The following GOLGA4 variants were observed in gnomAD, a reference collection of about 807,000 sequenced individuals.
GOLGA4 encodes the protein golgin A4.
GOLGA4 carries 169 observed loss-of-function variants against 265.9 expected under a neutral mutation model. That is an observed-to-expected ratio of 0.64 (90% confidence interval 0.56 to 0.72). The LOEUF is 0.72. GOLGA4 is among the 30% of genes least tolerant of loss of function. The pLI, the probability that GOLGA4 is intolerant of heterozygous loss-of-function variation, is 0.00. For synonymous variants in GOLGA4, 923 were observed against 855.8 expected, an observed-to-expected ratio of 1.08 and a Z score of -1.37; for missense variants, 2,482 against 2,483.4, an observed-to-expected ratio of 1.00 and a Z score of 0.01.
In GOLGA4 at chr3:37,337,085, T is replaced by C; in HGVS notation, c.6307-58T>C. 4 of 1,062,546 alleles carry C rather than the reference T, an allele frequency of 3.8e-6. No individual in the cohort carries two copies. The South Asian group carries it at 5.6e-5, about 15-fold the overall frequency. The allele number at this position is 1,062,546 out of a possible 1,614,324, so 65.8% of individuals were successfully genotyped here. ...CTTATATCTTTATATTGCTTTGTTT[T>C]ACTGTTTCTTATAGCTATTATTGTA... On this transcript the variant is annotated intron_variant, in intron 17 of 23. Coordinates refer to ENST00000361924, the MANE Select transcript of GOLGA4 (RefSeq NM_002078.5).
At chr3:37,313,390 C>A (rs894318539) in intron 10 of GOLGA4, 14 of 152,118 alleles carry the variant, frequency 9.2e-5, no homozygotes, top group African/African-American at 3.4e-4. Flanking sequence ...TGTGTTAAAC[C>A]AAATTGTTAA....
chr3:37,326,587 A>G lies in GOLGA4; in HGVS notation c.4701A>G (p.Gln1567=), dbSNP rs750802836. Residue 1567 remains glutamine, a synonymous_variant, in exon 14 of 24, where the codon CAA becomes CAG. Transcript: ENST00000361924. ...ACAAAGAATTGGTTCAGAAACTTCA[A>G]CATTTTCAAGAGTTAGGAGAAGAAA... The part of the protein sequence containing the change: ...IEHKELVQKL[Q]HFQELGEEKD... The G allele has an allele frequency of 8.1e-6, 13 of 1,613,252 alleles. No homozygotes were observed. The highest frequency in any genetic ancestry group is 4.0e-5 in the African/African-American group (3 of 74,906).
chr3:37,299,222 G>A, intron 8 of GOLGA4, 66 bp from the exon 9 acceptor site: 4 of 1,094,944 alleles, frequency 3.7e-6, no homozygotes, highest in South Asian at 1.3e-5. Flanking sequence ...TTAGATAAAT[G>A]TTTAGAGTTC....
rs536396707 is a variant in GOLGA4 at position 37,350,845 on chromosome 3, TA to T, written c.6576+3558del. 1.2e-3 allele frequency among the ~76,000 whole-genome samples: 187 copies of T among 151,232 alleles called. No individual in the cohort carries two copies. In the Middle Eastern group the frequency reaches 0.014, roughly 11 times the overall value. Reference sequence around the variant, plus strand: ...CCTTAATTTAAAAATACTTTATTGCTAAAAAAAAATGCTAACATTCATCTGA... The same window carrying T: ...CCTTAATTTAAAAATACTTTATTGCTAAAAAAAATGCTAACATTCATCTGA... On this transcript the variant is annotated intron_variant, in intron 21 of 23. Coordinates refer to ENST00000361924, the MANE Select transcript of GOLGA4 (RefSeq NM_002078.5).
chr3:37,261,075 G>A (rs1188564735), intron 2 of GOLGA4, among the ~76,000 whole-genome samples: 6 of 151,848 alleles, frequency 4.0e-5, no homozygotes, highest in African/African-American at 1.5e-4. Flanking sequence ...AGAGGCTTAA[G>A]TAGGAAGATT....
chr3:37,343,113 TTTTGTTTG>T (rs543666593), intron 20 of GOLGA4, among the ~76,000 whole-genome samples: 76 of 151,776 alleles, frequency 5.0e-4, no homozygotes, highest in African/African-American at 1.8e-3. Context: ...AGGCTGGGTT[TTTTGTTTG>T]TTTGTTTGTT....
At chr3:37,336,967 AAACAG>A (rs2097015629) in intron 17 of GOLGA4, among the ~76,000 whole-genome samples, 171 bp from the exon 18 acceptor site, 1 of 152,196 alleles carries the variant, frequency 6.6e-6, no homozygotes, top group African/African-American at 2.4e-5. Flanking sequence ...TTGTAAAACA[AAACAG>A]AACATTTGTT....
At chr3:37,276,033 G>A (rs1578454817) in intron 2 of GOLGA4, 5 of 1,612,868 alleles carry the variant, frequency 3.1e-6, no homozygotes, top group African/African-American at 1.3e-5. Context: ...GGCAATGTAA[G>A]CAACAGAAAG....
At chr3:37,275,895 C>G in intron 2 of GOLGA4, 1 of 1,613,750 alleles carries the variant, frequency 6.2e-7, no homozygotes, top group Non-Finnish European at 8.5e-7. Flanking sequence ...TTGGCAAAGT[C>G]TCTCATCAAA....
chr3:37,277,786 C>G (rs1038947521), intron 2 of GOLGA4, among the ~76,000 whole-genome samples: 6 of 151,930 alleles, frequency 3.9e-5, no homozygotes, highest in African/African-American at 1.5e-4. Flanking sequence ...TACACTTGCT[C>G]TAGCATACTT....
intron 5 of GOLGA4, among the ~76,000 whole-genome samples, chr3:37,294,467 C>G (rs1414281575): frequency 2.0e-5 from 3 of 151,190 alleles, no homozygotes; most frequent in African/African-American, 4.9e-5. Flanking sequence ...TCACTGCAAC[C>G]TCTTCCTCCC....
intron 16 of GOLGA4, 62 bp downstream of exon 16, chr3:37,329,155 T>G: frequency 7.4e-7 from 1 of 1,342,780 alleles, no homozygotes; most frequent in South Asian, 1.5e-5. Flanking sequence ...TTCATGGTAG[T>G]GCCAAAGATT....
At chr3:37,243,855 T>C (rs1302618031) in intron 1 of GOLGA4, 8 of 558,156 alleles carry the variant, frequency 1.4e-5, no homozygotes, top group Admixed American at 6.6e-5. Flanking sequence ...TGGGGGTGGC[T>C]GGATCCCTCG....
Position 37,325,262 on chromosome 3 carries a change from G to C in GOLGA4, c.3376G>C (p.Ala1126Pro), listed in dbSNP as rs2096966700. The C allele has an allele frequency of 6.2e-7, 1 of 1,613,226 alleles. No individual in the cohort carries two copies. Among genetic ancestry groups the C allele is most frequent in the Non-Finnish European group, 8.5e-7 (1 of 1,179,634 alleles). The change falls in exon 14 of 24, where the codon GCA becomes CCA. Residue 1126 changes from alanine (A) to proline (P), a missense_variant. This residue lies in a region of GOLGA4 where 1,536 missense variants were observed against 1,483.7 expected (regional missense o/e 1.04). Transcript: ENST00000361924. ...GAAGTCTGCCCATGTGAATTCTCTT[G>C]CACAAGATGAAACTAAACTGAAAGC... ...KQKSAHVNSL[A>P]QDETKLKAHL...
At position 37,325,928 on chromosome 3, in the gene GOLGA4, T is replaced by G; in HGVS notation, c.4042T>G (p.Leu1348Val). Residue 1348 changes from leucine to valine, a missense_variant, in exon 14 of 24, where the codon TTA becomes GTA. This residue lies in a region of GOLGA4 where 942 missense variants were observed against 983.1 expected (regional missense o/e 0.96). Coordinates refer to ENST00000361924, the MANE Select transcript of GOLGA4 (RefSeq NM_002078.5). ...ESCITQLKKE[L>V]SENINAVTLM... ...TTGTATAACACAGTTGAAGAAAGAG[T>G]TATCTGAAAACATCAATGCTGTCAC... 1 of 1,612,592 alleles carries G rather than the reference T, an allele frequency of 6.2e-7. No individual in the cohort carries two copies. The highest frequency in any genetic ancestry group is 8.5e-7 in the Non-Finnish European group (1 of 1,179,102).
intron 15 of GOLGA4, 81 bp from the exon 16 acceptor site, chr3:37,328,882 A>T (rs2096980951): frequency 9.0e-7 from 1 of 1,113,470 alleles, no homozygotes; most frequent in Non-Finnish European, 1.3e-6. Flanking sequence ...AATTGGAATG[A>T]GAGTTGTTAC....
At chr3:37,262,345 A>G (rs894475130) in intron 2 of GOLGA4, among the ~76,000 whole-genome samples, 1 of 152,074 alleles carries the variant, frequency 6.6e-6, no homozygotes, top group African/African-American at 2.4e-5. Context: ...ATCTCTACTA[A>G]TAATACAAAA....
chr3:37,289,309 G>A lies in GOLGA4; in HGVS notation c.582+18G>A. 2 of 1,451,072 alleles carry A rather than the reference G, an allele frequency of 1.4e-6. No individual in the cohort carries two copies. The highest frequency in any genetic ancestry group is 1.2e-5 in the South Asian group (1 of 85,226). The allele number at this position is 1,451,072 out of a possible 1,614,324, so 89.9% of individuals were successfully genotyped here. On this transcript the variant is annotated intron_variant, in intron 5 of 23. Coordinates refer to ENST00000361924, the MANE Select transcript of GOLGA4 (RefSeq NM_002078.5). ...TAAGAGAGGTAAGTTTCAGTGATGAGTACTTTGAAAATAGTAATTAAATCT... is the reference window on the plus strand; with the variant it reads ...TAAGAGAGGTAAGTTTCAGTGATGAATACTTTGAAAATAGTAATTAAATCT...
Position 37,282,081 on chromosome 3 carries a change from A to T in GOLGA4, c.286A>T (p.Thr96Ser). ...RSSSKESLVR[T>S]SSRESLNRLD... ...TTCTTCTAAAGAGTCTTTGGTACGA[A>T]CATCTTCCAGAGAATCCCTGAATCG... The change falls in exon 3 of 24, where the codon ACA becomes TCA. Residue 96 changes from threonine to serine, a missense_variant. Physicochemically the swap from Thr to Ser is moderately conservative, Grantham distance 58 (BLOSUM62 1). Coordinates refer to ENST00000361924, the MANE Select transcript of GOLGA4 (RefSeq NM_002078.5). 1 of 1,614,104 alleles carries T rather than the reference A, an allele frequency of 6.2e-7. No homozygotes were observed.
Sources: allele counts gnomAD v4.1 joint callset (sites outside exome capture counted in the v4.1 genomes callset), GRCh38; gene constraint gnomAD v4.1.1; regional missense constraint gnomAD v4.1.1; transcripts MANE v1.5; gene names NCBI Gene and HGNC (gene_info 2026-07-23, HGNC 2026-07-21).